NOL9: variants seen among roughly 807,000 people sequenced by gnomAD.
The protein encoded by NOL9 is nucleolar protein 9.
Under a neutral mutation model 67.9 loss-of-function variants are expected in NOL9, and 28 were observed. The ratio of observed to expected loss-of-function variants is 0.41; its 90% CI spans 0.31 to 0.57. NOL9 has a LOEUF of 0.57. Ranked by LOEUF, NOL9 falls within the 20% of genes least tolerant of loss-of-function variation. The pLI is 0.25. For synonymous variants in NOL9, 356 were observed against 352.2 expected (o/e 1.01, Z -0.12); for missense variants, 777 against 897.0 (o/e 0.87, Z 1.71).
chr1:6,534,298 C>T (rs1639099947), intron 6 of NOL9, among the ~76,000 whole-genome samples: 1 of 152,194 alleles, frequency 6.6e-6, no homozygotes, highest in South Asian at 2.1e-4. Flanking sequence ...CAGTAAACAG[C>T]AAGCTGGTTT....
Position 6,550,616 on chromosome 1 carries a change from C to T in NOL9, c.397-1G>A, listed in dbSNP as rs757981295. The T allele has an allele frequency of 5.0e-6, 8 of 1,610,682 alleles. No individual in the cohort carries two copies. Among genetic ancestry groups the T allele is most frequent in the African/African-American group, 1.3e-5 (1 of 74,720 alleles). On this transcript the variant is annotated splice_acceptor_variant, in intron 1 of 11. Coordinates refer to ENST00000377705, the MANE Select transcript of NOL9 (RefSeq NM_024654.5). LOFTEE classifies it high-confidence loss of function. ...GACAGATCCCACTAAAAGTAAAACC[C>T]TAGCAGGGAGAGAAAACAGAAAAAA...
intron 10 of NOL9, 131 bp downstream of exon 10, chr1:6,528,863 T>C (rs1272935999): frequency 1.9e-5 from 15 of 800,826 alleles, no homozygotes; most frequent in Non-Finnish European, 2.9e-5. Context: ...TAAGGCGTGC[T>C]ATATAGATGA....
chr1:6,532,635 C>T lies in NOL9; in HGVS notation c.1363G>A (p.Gly455Ser), dbSNP rs766331772. The stretch of plus-strand genomic sequence containing the variant: ...TTGGTCTTGCTTTTTGTGTACAAGC[C>T]ATCCATGTCATCTACATACTGCGGG... ...LTPQYVDDMDGLYTKSKTKMR... is the reference protein window; with the variant it reads ...LTPQYVDDMDSLYTKSKTKMR... Residue 455 changes from glycine (G) to serine (S), a missense_variant, in exon 8 of 12, where the codon GGC becomes AGC. Gly to Ser is a moderately conservative substitution (Grantham distance 56). Coordinates refer to ENST00000377705, the MANE Select transcript of NOL9 (RefSeq NM_024654.5). The T allele has an allele frequency of 1.9e-6, 3 of 1,614,142 alleles. No homozygotes were observed. In the South Asian group the frequency reaches 3.3e-5, roughly 18 times the overall value.
chr1:6,538,337 GA>G lies in NOL9; in HGVS notation c.1075+3492del, dbSNP rs538899232. ...TATAAAGAACTACTATTAATACGAA[GA>G]ACTACTAAACTCAACAAAAAGTAAC... is the stretch of plus-strand genomic sequence containing the variant. On this transcript the variant is annotated intron_variant, in intron 6 of 11. Transcript: ENST00000377705. Among the ~76,000 whole-genome samples, 36 of 152,202 alleles carry G rather than the reference GA, an allele frequency of 2.4e-4. 2 individuals are homozygous for G. The South Asian group carries it at 6.4e-3, about 27-fold the overall frequency.
intron 9 of NOL9, among the ~76,000 whole-genome samples, chr1:6,530,642 C>T (rs900821477): frequency 4.6e-5 from 7 of 152,212 alleles, no homozygotes; most frequent in Admixed American, 1.3e-4. Context: ...ACACCACCAT[C>T]GGGCCCAAGA....
intron 7 of NOL9, among the ~76,000 whole-genome samples, 176 bp downstream of exon 7, chr1:6,533,104 G>T (rs1053398526): frequency 3.3e-5 from 5 of 152,226 alleles, no homozygotes; most frequent in Non-Finnish European, 5.9e-5. Context: ...GAGCCTGGGA[G>T]GCAGAGGATG....
rs559161992 is a variant in NOL9 at position 6,526,642 on chromosome 1, C to T, written c.1959+54G>A. 1.5e-4 allele frequency: 230 copies of T among 1,538,824 alleles called. 3 individuals are homozygous for T. The South Asian group carries it at 2.7e-3, about 18-fold the overall frequency. ...CCCCTGACCCTACTTCAGCTCCTCA[C>T]TTCTGTGGACCTGAGTAGGCTCCTT... On this transcript the variant is annotated intron_variant, in intron 11 of 11. Coordinates refer to ENST00000377705, the MANE Select transcript of NOL9 (RefSeq NM_024654.5).
chr1:6,545,775 G>A (rs990375754), intron 3 of NOL9, among the ~76,000 whole-genome samples: 9 of 152,004 alleles, frequency 5.9e-5, no homozygotes, highest in Non-Finnish European at 1.0e-4. Context: ...CAGGCTGGGC[G>A]CAGTGGTGCA....
In NOL9 at chr1:6,529,047, G is replaced by A. The variant is rs1468049770; in HGVS notation, c.1772C>T (p.Thr591Met). 2.5e-6 allele frequency: 4 copies of A among 1,614,096 alleles called. No individual in the cohort carries two copies. Among genetic ancestry groups the A allele is most frequent in the Non-Finnish European group, 2.5e-6 (3 of 1,180,036 alleles). Residue 591 changes from threonine to methionine, a missense_variant, in exon 10 of 12, where the codon ACG (threonine) becomes ATG (methionine). Around this residue, in one of 2 missense-constraint regions of NOL9, gnomAD observed 413 missense variants for 552.6 expected, o/e 0.75. Coordinates refer to ENST00000377705, the MANE Select transcript of NOL9 (RefSeq NM_024654.5). ...CTGGGCAAGCAGGATGGGCCCATTC[G>A]TGTATCCTCTGACGTCATCCTGGAT... ...CKIQDDVRGY[T>M]NGPILLAQTP...
intron 8 of NOL9, 162 bp downstream of exon 8, chr1:6,532,301 G>T: frequency 2.6e-6 from 2 of 764,404 alleles, no homozygotes; most frequent in Non-Finnish European, 4.2e-6. Context: ...TTTCCACTGG[G>T]AACATAACAG....
At chr1:6,532,342 T>C (rs1639047793) in intron 8 of NOL9, 121 bp downstream of exon 8, 4 of 938,484 alleles carry the variant, frequency 4.3e-6, no homozygotes, top group South Asian at 3.3e-5. Context: ...TCTTTGTGCA[T>C]GCACAGCTGT....
intron 10 of NOL9, 119 bp downstream of exon 10, chr1:6,528,875 T>C (rs920383343): frequency 3.2e-6 from 3 of 938,776 alleles, no homozygotes; most frequent in Non-Finnish European, 4.8e-6. Context: ...TATAGATGAG[T>C]GGGGGTTCTC....
chr1:6,539,658 TA>T (rs1359668189), intron 6 of NOL9, among the ~76,000 whole-genome samples: 1 of 6,218 alleles, frequency 1.6e-4, no homozygotes, highest in Non-Finnish European at 4.3e-3. Flanking sequence ...CTAACTTTTG[TA>T]TTTTTTTTAA....
Position 6,550,686 on chromosome 1 carries a change from T to TTG in NOL9, c.397-72_397-71insCA. On this transcript the variant is annotated intron_variant, in intron 1 of 11. Coordinates refer to ENST00000377705, the MANE Select transcript of NOL9 (RefSeq NM_024654.5). ...AATGACTGAAACATTCTAAAATCTT[T>TTG]TTTTTTTTTTTTTTGAGATGGAGTT... 8 of 1,066,042 alleles carry TTG rather than the reference T, an allele frequency of 7.5e-6. No individual in the cohort carries two copies. The East Asian group carries it at 8.8e-5, about 12-fold the overall frequency. 66.0% of individuals were successfully genotyped at this position (1,066,042 alleles called of 1,614,324 possible).
rs565275779 is a variant in NOL9, at chr1:6,545,222, T to A, written c.745-42A>T. The A allele has an allele frequency of 2.7e-5, 43 of 1,582,062 alleles. No homozygotes were observed. The South Asian group carries it at 3.1e-4, about 11-fold the overall frequency. On this transcript the variant is annotated intron_variant, in intron 3 of 11. Coordinates refer to ENST00000377705, the MANE Select transcript of NOL9 (RefSeq NM_024654.5). ...AAACTTTAAGGTGAAAAAATGCATATTTTTTTCTTCAGTACTAAATTAATC... is the reference window on the plus strand; with the variant it reads ...AAACTTTAAGGTGAAAAAATGCATAATTTTTTCTTCAGTACTAAATTAATC...
intron 6 of NOL9, 49 bp from the exon 7 acceptor site, chr1:6,533,490 C>T: frequency 7.2e-7 from 1 of 1,379,846 alleles, no homozygotes; most frequent in Non-Finnish European, 9.7e-7. Flanking sequence ...AGTGATCAAT[C>T]CTGGCTACTT....
At chr1:6,549,810 C>T (rs1300455241) in intron 2 of NOL9, 112 bp from the exon 3 acceptor site, 7 of 1,292,552 alleles carry the variant, frequency 5.4e-6, no homozygotes, top group East Asian at 2.4e-5. Context: ...GTAGGAATTA[C>T]GGTTGAGAGC....
In NOL9 at chr1:6,554,402, CG is replaced by C; in HGVS notation, c.100del (p.Arg34AlafsTer109). On this transcript the variant is annotated frameshift_variant, in exon 1 of 12. Transcript: ENST00000377705. LOFTEE classifies it high-confidence loss of function. Reference protein sequence around the residue: ...RPQLILSRRPRRRLGSLRWCG... With the variant: ...RPQLILSRRPXRRLGSLRWCG... ...CCAGCGCAGGCTCCCGAGCCGGCGG[CG>C]GGGCCGGCGGCTGAGGATGAGCTGG... 6.7e-7 allele frequency: 1 copy of C among 1,498,782 alleles called. No homozygotes were observed. Among genetic ancestry groups the C allele is most frequent in the Admixed American group, 2.5e-5 (1 of 39,294 alleles). The allele number at this position is 1,498,782 out of a possible 1,614,324, so 92.8% of individuals were successfully genotyped here. A position where few individuals can be genotyped will look rare whatever the true frequency, so the allele number is the denominator to read the frequency against.
chr1:6,528,052 G>T (rs1638931094), intron 10 of NOL9, among the ~76,000 whole-genome samples: 2 of 152,336 alleles, frequency 1.3e-5, no homozygotes, highest in Admixed American at 1.3e-4. Flanking sequence ...TATGGTCTGT[G>T]AAAATGCTTT....
Sources: allele counts gnomAD v4.1 joint callset (sites outside exome capture counted in the v4.1 genomes callset), GRCh38; gene constraint gnomAD v4.1.1; regional missense constraint gnomAD v4.1.1; transcripts MANE v1.5; gene names NCBI Gene and HGNC (gene_info 2026-07-23, HGNC 2026-07-21).